Variants in BICRA observed in about 807,000 individuals in gnomAD.
BICRA encodes the protein BRD4-interacting chromatin-remodeling complex-associated protein.
Under a neutral mutation model 96.9 loss-of-function variants are expected in BICRA, and 31 were observed. The observed-to-expected ratio is 0.32, with a 90% CI of 0.24 to 0.43. The LOEUF (loss-of-function observed/expected upper bound fraction) is 0.43, where lower values mean the gene tolerates loss of function less well. Among genes scored for constraint, BICRA ranks in the 20% least tolerant of loss-of-function variants. The probability of loss-of-function intolerance (pLI) is 1.00; values close to 1 mark genes in which losing one functional copy is unlikely to be tolerated. For synonymous variants in BICRA, 1,350 were observed against 1,071.8 expected, an observed-to-expected ratio of 1.26 and a Z score of -5.07; for missense variants, 2,283 against 2,190.3, an observed-to-expected ratio of 1.04 and a Z score of -0.84.
rs1438874001 is a variant in BICRA at position 47,702,402 on chromosome 19, C to T, written c.4670C>T (p.Thr1557Met). 5.9e-6 allele frequency: 9 copies of T among 1,514,086 alleles called. No individual in the cohort carries two copies. Among genetic ancestry groups the T allele is most frequent in the South Asian group, 1.2e-5 (1 of 80,138 alleles). The allele number at this position is 1,514,086 out of a possible 1,614,324, so 93.8% of individuals were successfully genotyped here. A position where few individuals can be genotyped will look rare whatever the true frequency, so the allele number is the denominator to read the frequency against. Residue 1557 changes from threonine (T) to methionine (M), a missense_variant, in exon 15 of 15, where the codon ACG becomes ATG. Physicochemically the swap from Thr to Met is moderately conservative, Grantham distance 81 (BLOSUM62 -1). Coordinates refer to ENST00000594866, the MANE Select transcript of BICRA (RefSeq NM_001394372.1). ...CACAACGGTGGCCTCGGCGCCAGGACGTTGACCAGATAACACCGGGCCGCC... is the reference window on the plus strand; with the variant it reads ...CACAACGGTGGCCTCGGCGCCAGGATGTTGACCAGATAACACCGGGCCGCC... ...SSHNGGLGAR[T>M]LTR
chr19:47,692,086 T>G (rs1973249358), intron 7 of BICRA, among the ~76,000 whole-genome samples: 1 of 152,174 alleles, frequency 6.6e-6, no homozygotes, highest in Non-Finnish European at 1.5e-5. Flanking sequence ...GCCACCTCCC[T>G]GAGCCCTTGG....
At chr19:47,644,957 A>T (rs1467657139) in intron 1 of BICRA, among the ~76,000 whole-genome samples, 1 of 152,162 alleles carries the variant, frequency 6.6e-6, no homozygotes, top group African/African-American at 2.4e-5. Flanking sequence ...CTCCTAAACG[A>T]TTTGAGAGTA....
chr19:47,680,999 C>G lies in BICRA; in HGVS notation c.1829C>G (p.Ala610Gly). ...CTGGTGCAGCCGGCCACCCCTGCCG[C>G]TGCCACCGGGGAGGCCGCGCCTGTC... The part of the protein sequence containing the change: ...DGLVQPATPA[A>G]ATGEAAPVLT... Residue 610 changes from alanine to glycine, a missense_variant, in exon 6 of 15, where the codon GCT (alanine) becomes GGT (glycine). Ala to Gly is a moderately conservative substitution (Grantham distance 60). Coordinates refer to ENST00000594866, the MANE Select transcript of BICRA (RefSeq NM_001394372.1). The G allele has an allele frequency of 6.8e-7, 1 of 1,460,778 alleles. No homozygotes were observed. Among genetic ancestry groups the G allele is most frequent in the East Asian group, 2.9e-5 (1 of 33,934 alleles). The allele number at this position is 1,460,778 out of a possible 1,614,324, so 90.5% of individuals were successfully genotyped here.
chr19:47,656,722 C>T (rs551896383), intron 1 of BICRA, among the ~76,000 whole-genome samples: 2 of 152,312 alleles, frequency 1.3e-5, no homozygotes, highest in Non-Finnish European at 2.9e-5. Context: ...AAGCATCACT[C>T]AGCTCTAGCT....
chr19:47,679,894 G>T lies in BICRA; in HGVS notation c.724G>T (p.Val242Phe). 1 of 1,521,342 alleles carries T rather than the reference G, an allele frequency of 6.6e-7. No individual in the cohort carries two copies. 94.2% of individuals were successfully genotyped at this position (1,521,342 alleles called of 1,614,324 possible). ...GCCCATCCAGGTGGTGGGCCAGCCC[G>T]TCATGGCGCTCAACACGCCCACCTC... Reference protein sequence around the residue: ...LAPIQVVGQPVMALNTPTSQL... With the variant: ...LAPIQVVGQPFMALNTPTSQL... The change falls in exon 6 of 15, where the codon GTC becomes TTC. Residue 242 changes from valine (V) to phenylalanine (F), a missense_variant. Val to Phe is a conservative substitution (Grantham distance 50). Coordinates refer to ENST00000594866, the MANE Select transcript of BICRA (RefSeq NM_001394372.1).
rs1187544102 is a variant in BICRA, at chr19:47,699,247, C to T, written c.3493-56C>T. 2.7e-5 allele frequency: 28 copies of T among 1,042,152 alleles called. No homozygotes were observed. The highest frequency in any genetic ancestry group is 5.4e-5 in the South Asian group (4 of 73,632). The allele number at this position is 1,042,152 out of a possible 1,614,324, so 64.6% of individuals were successfully genotyped here. A position where few individuals can be genotyped will look rare whatever the true frequency, so the allele number is the denominator to read the frequency against. On this transcript the variant is annotated intron_variant, in intron 13 of 14. Coordinates refer to ENST00000594866, the MANE Select transcript of BICRA (RefSeq NM_001394372.1). This position sits in a 1 kb window ranked among gnomAD's most constrained non-coding sequence, Gnocchi z 5.0. ...TTGCACGCATCGTCCCCGTCGCTCG[C>T]GCCCCTTCCCCCTTCTTGCTGGTTC...
rs140998349 is a variant in BICRA at position 47,678,642 on chromosome 19, G to A, written c.151-679G>A. Among the ~76,000 whole-genome samples the A allele has an allele frequency of 9.9e-5, 15 of 152,124 alleles. No homozygotes were observed. In the East Asian group the frequency reaches 1.9e-3, roughly 20 times the overall value. ...TACAGTGACACAATCATAGCTCACC[G>A]TAGCCTGGAACTCCTGGGCTTAAGA... is the stretch of plus-strand genomic sequence containing the variant. On this transcript the variant is annotated intron_variant, in intron 5 of 14. Transcript: ENST00000594866.
chr19:47,665,957 G>A (rs1972772495), intron 1 of BICRA, among the ~76,000 whole-genome samples: 1 of 152,234 alleles, frequency 6.6e-6, no homozygotes, highest in Non-Finnish European at 1.5e-5. Flanking sequence ...TCACTGGGCT[G>A]TGGCCCAAAA....
chr19:47,660,307 T>C (rs1166114468), intron 1 of BICRA, among the ~76,000 whole-genome samples: 1 of 152,084 alleles, frequency 6.6e-6, no homozygotes, highest in Non-Finnish European at 1.5e-5. Context: ...TTCTGTGACT[T>C]CTCCTTTGCT....
At position 47,699,574 on chromosome 19, in the gene BICRA, C is replaced by A. The variant is rs530790685; in HGVS notation, c.3595+169C>A. Among the ~76,000 whole-genome samples the A allele has an allele frequency of 6.6e-6, 1 of 152,134 alleles. No homozygotes were observed. The highest frequency in any genetic ancestry group is 6.5e-5 in the Admixed American group (1 of 15,276). ...GGCAGCTGTGCCTCCCCTGACCTCC[C>A]GCCTCTCAGACCAGATAGCCCACAT... On this transcript the variant is annotated intron_variant, in intron 14 of 14. Transcript: ENST00000594866. The surrounding 1 kb of genome is among the most constrained non-coding windows in gnomAD (Gnocchi z 5.0).
intron 9 of BICRA, 23 bp from the exon 10 acceptor site, chr19:47,695,342 T>TCCG: frequency 1.3e-5 from 8 of 630,190 alleles, no homozygotes; most frequent in South Asian, 9.7e-5. Context: ...AGGCCCTGTC[T>TCCG]CCCCCACCCC....
intron 1 of BICRA, among the ~76,000 whole-genome samples, chr19:47,659,695 C>G (rs955916589): frequency 7.4e-6 from 1 of 135,258 alleles, no homozygotes; most frequent in African/African-American, 3.2e-5. Context: ...TACACACACA[C>G]ACACACACAC....
chr19:47,647,920 T>TTTG (rs1972485033), intron 1 of BICRA, among the ~76,000 whole-genome samples: 1 of 151,538 alleles, frequency 6.6e-6, no homozygotes, highest in Admixed American at 6.6e-5. Context: ...GTTTGGCATA[T>TTTG]TTGCCCTGGC....
intron 1 of BICRA, among the ~76,000 whole-genome samples, chr19:47,644,796 C>T (rs1472816700): frequency 1.3e-5 from 2 of 152,110 alleles, no homozygotes; most frequent in South Asian, 2.1e-4. Context: ...CCACCGCGCC[C>T]GGATTTCATT....
In BICRA at chr19:47,695,122, G is replaced by A. The variant is rs1056858843; in HGVS notation, c.3076+42G>A. ...CTATGTGCCCAGGGAGACGGGGCCT[G>A]AAGATGGGTGGGCGGGGCTGAGCAG... On this transcript the variant is annotated intron_variant, in intron 9 of 14. Transcript: ENST00000594866. The A allele has an allele frequency of 1.8e-5, 23 of 1,281,522 alleles. No individual in the cohort carries two copies. The African/African-American group carries it at 3.2e-4, about 18-fold the overall frequency. The allele number at this position is 1,281,522 out of a possible 1,614,324, so 79.4% of individuals were successfully genotyped here.
At position 47,673,706 on chromosome 19, in the gene BICRA, C is replaced by G; in HGVS notation, c.42-14C>G. 6.2e-7 allele frequency: 1 copy of G among 1,612,320 alleles called. No homozygotes were observed. The highest frequency in any genetic ancestry group is 1.3e-5 in the African/African-American group (1 of 74,934). ...CTCCTTACCTCCTCAGCGTCTCTTC[C>G]TCTTCTCTTCCAGTGACCCACAGGC... On this transcript the variant is annotated splice_polypyrimidine_tract_variant and intron_variant, in intron 3 of 14. Coordinates refer to ENST00000594866, the MANE Select transcript of BICRA (RefSeq NM_001394372.1).
At chr19:47,679,083 AT>A (rs1022293811) in intron 5 of BICRA, 6 of 369,274 alleles carry the variant, frequency 1.6e-5, no homozygotes, top group Non-Finnish European at 2.9e-5. Flanking sequence ...CTTTTTTAAA[AT>A]TTTTTTCTCA....
chr19:47,685,775 G>A (rs1485789302), intron 7 of BICRA, among the ~76,000 whole-genome samples: 1 of 136,422 alleles, frequency 7.3e-6, no homozygotes, highest in Admixed American at 7.6e-5. Flanking sequence ...GTGTGTGTGT[G>A]TGTGTGTGTG....
chr19:47,673,654 A>G, intron 3 of BICRA, 39 bp downstream of exon 3: 1 of 1,526,904 alleles, frequency 6.5e-7, no homozygotes, highest in Non-Finnish European at 9.1e-7. Context: ...CTCTGTCTCA[A>G]CCCCCTCCCT....
Sources: gnomAD v4.1 joint callset for allele counts (sites outside exome capture counted in the v4.1 genomes callset) on GRCh38, gnomAD v4.1.1 for gene constraint, Gnocchi (gnomAD v3.1) non-coding constraint, MANE v1.5 for transcripts, NCBI Gene and HGNC (gene_info 2026-07-23, HGNC 2026-07-21) for gene names.